The following MYLK4 variants were observed in gnomAD, a reference collection of about 807,000 sequenced individuals.
MYLK4 encodes myosin light chain kinase family member 4, also known as caMLCK like.
Under a neutral mutation model 48.1 loss-of-function variants are expected in MYLK4, and 46 were observed. The observed-to-expected ratio is 0.96, with a 90% CI of 0.75 to 1.22. MYLK4 has a LOEUF of 1.22. MYLK4 is among the 50% of genes most tolerant of loss of function. MYLK4 has a pLI of 0.00. For missense variants in MYLK4, 451 were observed against 486.1 expected (o/e 0.93, Z 0.68); for synonymous variants, 170 against 180.8 (o/e 0.94, Z 0.48).
intron 2 of MYLK4, among the ~76,000 whole-genome samples, chr6:2,744,449 G>C (rs911237706): frequency 6.6e-6 from 1 of 152,314 alleles, no homozygotes; most frequent in East Asian, 1.9e-4. Flanking sequence ...GGATGGAGGT[G>C]GCGAAATGCA....
chr6:2,710,307 C>G (rs58941305), intron 2 of MYLK4, among the ~76,000 whole-genome samples: 1 of 152,170 alleles, frequency 6.6e-6, no homozygotes, highest in South Asian at 2.1e-4. Flanking sequence ...CCAGTTGTCC[C>G]ACAGAACTGA....
chr6:2,724,618 G>C (rs1763189265), intron 2 of MYLK4, among the ~76,000 whole-genome samples: 1 of 152,178 alleles, frequency 6.6e-6, no homozygotes, highest in South Asian at 2.1e-4. Flanking sequence ...TTGCTAAAAA[G>C]TCCAAGACAT....
At chr6:2,716,284 T>C (rs889076148) in intron 2 of MYLK4, among the ~76,000 whole-genome samples, 2 of 152,184 alleles carry the variant, frequency 1.3e-5, no homozygotes, top group African/African-American at 4.8e-5. Context: ...CACCCCTTCA[T>C]AGGGTTTTCA....
the MYLK4 span, among the ~76,000 whole-genome samples, chr6:2,760,842 TA>T: frequency 6.6e-6 from 1 of 152,184 alleles, no homozygotes; most frequent in Non-Finnish European, 1.5e-5. Flanking sequence ...GAATAAACAA[TA>T]CGAAATGTGG....
chr6:2,679,564 A>C, intron 8 of MYLK4, 156 bp from the exon 9 acceptor site: 2 of 965,514 alleles, frequency 2.1e-6, no homozygotes, highest in Non-Finnish European at 3.2e-6. Context: ...CAAGAGGCTC[A>C]AAAACTTGTA....
intron 2 of MYLK4, among the ~76,000 whole-genome samples, chr6:2,708,974 A>G (rs75044880): frequency 0.01 from 1,560 of 152,280 alleles, 25 homozygotes; most frequent in African/African-American, 0.035. Context: ...ATAATAACAG[A>G]ATGATCATGG....
chr6:2,727,191 T>C (rs370329855), intron 2 of MYLK4, among the ~76,000 whole-genome samples: 2 of 152,142 alleles, frequency 1.3e-5, no homozygotes, highest in African/African-American at 4.8e-5. Context: ...AGTGGCTGCA[T>C]TAACTAAGTC....
In MYLK4 at chr6:2,750,877, C is replaced by A. The variant is rs1472825991; in HGVS notation, c.-254G>T. 6.6e-6 allele frequency: 1 copy of A among 152,662 alleles called. No individual in the cohort carries two copies. Among genetic ancestry groups the A allele is most frequent in the Admixed American group, 6.5e-5 (1 of 15,280 alleles). 9.5% of individuals were successfully genotyped at this position (152,662 alleles called of 1,614,324 possible). A position where few individuals can be genotyped will look rare whatever the true frequency, so the allele number is the denominator to read the frequency against. ...TTTGACTCTCAGTCGTATAAATCTT[C>A]TGAAAAGACAAGTGTCCACTACGAG... is the stretch of plus-strand genomic sequence containing the variant. On this transcript the variant is annotated 5_prime_UTR_variant, in exon 1 of 13. Coordinates refer to ENST00000274643, the MANE Select transcript of MYLK4 (RefSeq NM_001012418.5).
intron 3 of MYLK4, among the ~76,000 whole-genome samples, chr6:2,692,200 T>C (rs1274081300): frequency 6.6e-6 from 1 of 152,242 alleles, no homozygotes; most frequent in African/African-American, 2.4e-5. Flanking sequence ...ACTATCACTT[T>C]CCTGTGTATT....
At chr6:2,768,740 G>A in the MYLK4 span, 6 of 1,613,640 alleles carry the variant, frequency 3.7e-6, no homozygotes, top group Admixed American at 1.7e-5. Context: ...CATAGCATAA[G>A]GTTTGTGACA....
the MYLK4 span, among the ~76,000 whole-genome samples, chr6:2,763,650 C>T: frequency 6.6e-6 from 1 of 152,260 alleles, no homozygotes; most frequent in Non-Finnish European, 1.5e-5. Context: ...GCGCCTCTCC[C>T]ACCATACTTC....
chr6:2,737,000 C>G (rs1230679309), intron 2 of MYLK4, among the ~76,000 whole-genome samples: 1 of 152,254 alleles, frequency 6.6e-6, no homozygotes, highest in Non-Finnish European at 1.5e-5. Context: ...TCTGCCTTCT[C>G]TCATGTTCTA....
rs544269433 is a variant in MYLK4, at chr6:2,685,875, A to G, written c.342-299T>C. On this transcript the variant is annotated intron_variant, in intron 4 of 12. Coordinates refer to ENST00000274643, the MANE Select transcript of MYLK4 (RefSeq NM_001012418.5). This position sits in a 1 kb window ranked among gnomAD's most constrained non-coding sequence, Gnocchi z 4.5. ...CACGAGGTCAGGACCAGTCTGGCCAACATAGTGAAACCCCATCTCTGCTAA... is the reference window on the plus strand; with the variant it reads ...CACGAGGTCAGGACCAGTCTGGCCAGCATAGTGAAACCCCATCTCTGCTAA... 2.0e-5 allele frequency among the ~76,000 whole-genome samples: 3 copies of G among 152,228 alleles called. No individual in the cohort carries two copies. Among genetic ancestry groups the G allele is most frequent in the Admixed American group, 2.0e-4 (3 of 15,284 alleles).
At chr6:2,732,570 GT>G (rs1381840229) in intron 2 of MYLK4, among the ~76,000 whole-genome samples, 1 of 152,118 alleles carries the variant, frequency 6.6e-6, no homozygotes, top group East Asian at 1.9e-4. Flanking sequence ...GTCAGCCTGA[GT>G]GGATCCTGGG....
chr6:2,678,367 C>T lies in MYLK4; in HGVS notation c.893G>A (p.Ser298Asn), dbSNP rs752359294. ...SVGVIAYMLL[S>N]GLSPFLGDND... The stretch of plus-strand genomic sequence containing the variant: ...GTCACCCAGGAAAGGCGACAAACCG[C>T]TAAGTCTGGAGGACACGGGGTCCAG... Residue 298 changes from serine (S) to asparagine (N), a missense_variant, in exon 10 of 13, where the codon AGC becomes AAC. Ser to Asn is a conservative substitution (Grantham distance 46). Transcript: ENST00000274643. The T allele has an allele frequency of 5.6e-6, 9 of 1,613,808 alleles. No homozygotes were observed. The highest frequency in any genetic ancestry group is 6.8e-6 in the Non-Finnish European group (8 of 1,180,032).
intron 4 of MYLK4, among the ~76,000 whole-genome samples, chr6:2,688,305 C>T (rs6903305): frequency 0.018 from 2,784 of 152,210 alleles, 76 homozygotes; most frequent in African/African-American, 0.064. Context: ...GTGATCTGCC[C>T]GCCTCAGTTT....
At chr6:2,731,672 G>A (rs1020835683) in intron 2 of MYLK4, among the ~76,000 whole-genome samples, 5 of 152,146 alleles carry the variant, frequency 3.3e-5, no homozygotes, top group Non-Finnish European at 7.4e-5. Flanking sequence ...TGGTGGGGGA[G>A]GGGACTGTTT....
At chr6:2,668,321 T>A (rs1760742734) in intron 12 of MYLK4, among the ~76,000 whole-genome samples, 1 of 152,192 alleles carries the variant, frequency 6.6e-6, no homozygotes, top group African/African-American at 2.4e-5. Context: ...GAGGTTTCCA[T>A]GTGCTTTATG....
intron 2 of MYLK4, among the ~76,000 whole-genome samples, chr6:2,730,132 C>A (rs1009749111): frequency 1.3e-5 from 2 of 152,228 alleles, no homozygotes; most frequent in African/African-American, 4.8e-5. Flanking sequence ...GTAGTTCACA[C>A]CCTCCATGGA....
Sources: gnomAD v4.1 joint callset for allele counts (sites outside exome capture counted in the v4.1 genomes callset) on GRCh38, gnomAD v4.1.1 for gene constraint, Gnocchi (gnomAD v3.1) non-coding constraint, MANE v1.5 for transcripts, NCBI Gene and HGNC (gene_info 2026-07-23, HGNC 2026-07-21) for gene names.